PPFIA2: variants seen among roughly 807,000 people sequenced by gnomAD.
PPFIA2 encodes the protein PPFI scaffold protein A2.
Under a neutral mutation model 175.5 loss-of-function variants are expected in PPFIA2, and 46 were observed. That is an observed-to-expected ratio of 0.26 (90% CI 0.21 to 0.34). The LOEUF (loss-of-function observed/expected upper bound fraction) is 0.34. PPFIA2 is among the 10% of genes least tolerant of loss of function. The pLI is 1.00. For missense variants in PPFIA2, 1,179 were observed against 1,506.1 expected, an observed-to-expected ratio of 0.78 and a Z score of 3.60; for synonymous variants, 568 against 511.4, an observed-to-expected ratio of 1.11 and a Z score of -1.49.
chr12:81,650,037 T>G (rs2066784366), intron 4 of PPFIA2, among the ~76,000 whole-genome samples: 1 of 151,160 alleles, frequency 6.6e-6, no homozygotes, highest in African/African-American at 2.4e-5. Context: ...TGAGACGGAG[T>G]CTTGCTCTGT....
intron 4 of PPFIA2, among the ~76,000 whole-genome samples, chr12:81,529,998 AC>A (rs1479244801): frequency 1.3e-5 from 2 of 152,008 alleles, no homozygotes; most frequent in African/African-American, 4.8e-5. Context: ...AATGATGTAG[AC>A]CAACACATAC....
intron 3 of PPFIA2, among the ~76,000 whole-genome samples, chr12:81,715,840 T>C (rs1567978906): frequency 6.6e-6 from 1 of 151,698 alleles, no homozygotes; most frequent in Non-Finnish European, 1.5e-5. Flanking sequence ...AAAAATTAAA[T>C]AATTAAAATC....
chr12:81,274,468 CAAAT>C (rs1247902036), intron 28 of PPFIA2, among the ~76,000 whole-genome samples: 3 of 152,044 alleles, frequency 2.0e-5, no homozygotes, highest in South Asian at 2.1e-4. Flanking sequence ...GAGGTAAAGA[CAAAT>C]AAAGCATTAA....
chr12:81,259,742 C>G (rs2034725707), intron 32 of PPFIA2, 82 bp from the exon 33 acceptor site: 1 of 1,232,426 alleles, frequency 8.1e-7, no homozygotes, highest in East Asian at 2.6e-5. Flanking sequence ...TGGTGTACCT[C>G]CACGCAGCCT....
At chr12:81,440,768 A>G (rs1253804828) in intron 6 of PPFIA2, among the ~76,000 whole-genome samples, 1 of 150,840 alleles carries the variant, frequency 6.6e-6, no homozygotes, top group Non-Finnish European at 1.5e-5. Flanking sequence ...GCTTTCTTAG[A>G]ACTTTGTTTT....
chr12:81,491,539 T>C (rs1453982854), intron 4 of PPFIA2, among the ~76,000 whole-genome samples: 5 of 151,894 alleles, frequency 3.3e-5, no homozygotes, highest in African/African-American at 1.2e-4. Context: ...GGGAGGTAAT[T>C]ACTGTTAGAT....
At position 81,426,041 on chromosome 12, in the gene PPFIA2, C is replaced by T. The variant is rs1274627937; in HGVS notation, c.645+13931G>A. Among the ~76,000 whole-genome samples, 3 of 152,168 alleles carry T rather than the reference C, an allele frequency of 2.0e-5. No individual in the cohort carries two copies. In the East Asian group the frequency reaches 5.8e-4, roughly 29 times the overall value. On this transcript the variant is annotated intron_variant, in intron 7 of 32. Transcript: ENST00000549396. Reference sequence around the variant, plus strand: ...AAGTGTTATTTTAAAGTGAGGCTGACTACACCTGATAATCCAGCTTGAGGG... The same window carrying T: ...AAGTGTTATTTTAAAGTGAGGCTGATTACACCTGATAATCCAGCTTGAGGG...
intron 23 of PPFIA2, among the ~76,000 whole-genome samples, chr12:81,295,452 G>T (rs541956643): frequency 3.3e-5 from 5 of 152,262 alleles, no homozygotes. Context: ...TGAGTGAAGA[G>T]AAATTCTGTC....
intron 32 of PPFIA2, among the ~76,000 whole-genome samples, chr12:81,261,458 C>A (rs2035505336): frequency 6.6e-6 from 1 of 152,110 alleles, no homozygotes; most frequent in Non-Finnish European, 1.5e-5. Flanking sequence ...CTGAAGTGAT[C>A]CACCTGCCTC....
chr12:81,369,058 A>T, intron 12 of PPFIA2, 53 bp downstream of exon 12: 2 of 1,434,752 alleles, frequency 1.4e-6, no homozygotes, highest in Non-Finnish European at 1.9e-6. Context: ...TTATATACAG[A>T]ATACGAATTC....
At chr12:81,316,446 C>T (rs1426346663) in intron 22 of PPFIA2, among the ~76,000 whole-genome samples, 1 of 151,512 alleles carries the variant, frequency 6.6e-6, no homozygotes, top group South Asian at 2.1e-4. Context: ...ATTAGACACT[C>T]TCTTGTAAGT....
At chr12:81,545,434 T>A (rs927832833) in intron 4 of PPFIA2, 1 of 152,494 alleles carries the variant, frequency 6.6e-6, no homozygotes, top group South Asian at 2.1e-4. Context: ...TAGAGTACAA[T>A]GGAGGATAAG....
intron 5 of PPFIA2, among the ~76,000 whole-genome samples, chr12:81,457,031 A>G (rs2053686999): frequency 6.6e-6 from 1 of 150,414 alleles, no homozygotes; most frequent in African/African-American, 2.4e-5. Context: ...TTTGAGACAG[A>G]GTCTCACTCT....
In PPFIA2 at chr12:81,339,089, G is replaced by T. The variant is rs188059782; in HGVS notation, c.2548+91C>A. On this transcript the variant is annotated intron_variant, in intron 21 of 32. Transcript: ENST00000549396. ...AGGTAGAAAAGAGAAGAAATGAAAAGAAGAGCAATGAAATGAAATGAAAGA... is the reference window on the plus strand; with the variant it reads ...AGGTAGAAAAGAGAAGAAATGAAAATAAGAGCAATGAAATGAAATGAAAGA... 35 of 1,158,360 alleles carry T rather than the reference G, an allele frequency of 3.0e-5. 1 individual carries two copies. The East Asian group carries it at 4.1e-4, about 13-fold the overall frequency. The allele number at this position is 1,158,360 out of a possible 1,614,324, so 71.8% of individuals were successfully genotyped here.
At chr12:81,652,645 T>C (rs909677152) in intron 4 of PPFIA2, among the ~76,000 whole-genome samples, 9 of 152,102 alleles carry the variant, frequency 5.9e-5, no homozygotes, top group African/African-American at 1.7e-4. Flanking sequence ...CAGCTAGTTA[T>C]TTAGTGTCCT....
At chr12:81,315,184 T>G (rs1034552129) in intron 22 of PPFIA2, among the ~76,000 whole-genome samples, 2 of 151,640 alleles carry the variant, frequency 1.3e-5, no homozygotes, top group Non-Finnish European at 3.0e-5. Context: ...CTAACAAGAG[T>G]TGCAGAGAGT....
At chr12:81,480,693 G>T (rs996618905) in intron 4 of PPFIA2, among the ~76,000 whole-genome samples, 2 of 152,062 alleles carry the variant, frequency 1.3e-5, no homozygotes, top group African/African-American at 4.8e-5. Context: ...GCTTGAGTTT[G>T]CTAGAAGTCC....
chr12:81,660,658 CA>C (rs2068660945), intron 4 of PPFIA2, among the ~76,000 whole-genome samples: 1 of 152,134 alleles, frequency 6.6e-6, no homozygotes, highest in Admixed American at 6.5e-5. Context: ...CCCAATCTAG[CA>C]AGGCAGGCCA....
chr12:81,520,567 C>T (rs1037060501), intron 4 of PPFIA2, among the ~76,000 whole-genome samples: 5 of 152,104 alleles, frequency 3.3e-5, no homozygotes, highest in East Asian at 1.9e-4. Flanking sequence ...TTTTCTTCTT[C>T]GTTTCTTCTT....
Sources: allele counts gnomAD v4.1 joint callset (sites outside exome capture counted in the v4.1 genomes callset), GRCh38; gene constraint gnomAD v4.1.1; transcripts MANE v1.5; gene names NCBI Gene and HGNC (gene_info 2026-07-23, HGNC 2026-07-21).